Variants in AMOTL1 observed in about 807,000 individuals in gnomAD.
AMOTL1 encodes the protein angiomotin-like protein 1.
A neutral mutation model predicts 102.9 loss-of-function variants in AMOTL1; 45 were observed. The observed-to-expected ratio is 0.44, with a 90% CI of 0.34 to 0.56. AMOTL1 has a LOEUF of 0.56. AMOTL1 is among the 20% of genes least tolerant of loss of function. AMOTL1 has a pLI of 0.01. For synonymous variants in AMOTL1, 481 were observed against 484.7 expected (o/e 0.99, Z 0.10); for missense variants, 1,114 against 1,225.6 (o/e 0.91, Z 1.36).
chr11:94,811,071 G>T (rs1433163389), intron 3 of AMOTL1, among the ~76,000 whole-genome samples: 2 of 152,144 alleles, frequency 1.3e-5, no homozygotes, highest in Non-Finnish European at 2.9e-5. Flanking sequence ...AAAATTGGGG[G>T]CAGAACCTTA....
rs1289403265 is a variant in AMOTL1, at chr11:94,807,339, G to C, written c.1121+7028G>C. Among the ~76,000 whole-genome samples, 3 of 152,112 alleles carry C rather than the reference G, an allele frequency of 2.0e-5. No individual in the cohort carries two copies. In the South Asian group the frequency reaches 6.2e-4, roughly 32 times the overall value. ...GAATTCAAATTTGAACCTCTTCACA[G>C]CCAAGAAGCCCTATATTATTTAACC... is the stretch of plus-strand genomic sequence containing the variant. On this transcript the variant is annotated intron_variant, in intron 3 of 12. Transcript: ENST00000433060.
At chr11:94,759,571 CAA>C (rs59815376) in intron 3 of AMOTL1, among the ~76,000 whole-genome samples, 4 of 129,842 alleles carry the variant, frequency 3.1e-5, no homozygotes, top group Non-Finnish European at 3.2e-5. Flanking sequence ...CTTTTAGGTG[CAA>C]AAAAAAAAAA....
intron 4 of AMOTL1, among the ~76,000 whole-genome samples, chr11:94,822,492 TAGGAATCTC>T (rs1951884365): frequency 6.6e-6 from 1 of 152,168 alleles, no homozygotes; most frequent in Non-Finnish European, 1.5e-5. Flanking sequence ...CCTTTAAATT[TAGGAATCTC>T]AGACAGGAAC....
At chr11:94,860,819 C>A (rs977356881) in intron 9 of AMOTL1, among the ~76,000 whole-genome samples, 1 of 152,124 alleles carries the variant, frequency 6.6e-6, no homozygotes, top group African/African-American at 2.4e-5. Context: ...GGAGTAAAAG[C>A]CACATTGCCT....
intron 3 of AMOTL1, among the ~76,000 whole-genome samples, chr11:94,741,217 T>TGC (rs1025194683): frequency 4.0e-5 from 6 of 151,658 alleles, no homozygotes; most frequent in Middle Eastern, 3.2e-3. Context: ...TGTGTGTGTG[T>TGC]GTGCGTGCGT....
At chr11:94,859,343 G>C (rs1464513987) in intron 8 of AMOTL1, among the ~76,000 whole-genome samples, 182 bp from the exon 9 acceptor site, 1 of 152,104 alleles carries the variant, frequency 6.6e-6, no homozygotes, top group East Asian at 1.9e-4. Flanking sequence ...GTAAAACTGG[G>C]ATAATATTGT....
At position 94,871,323 on chromosome 11, in the gene AMOTL1, A is replaced by T. The variant is rs1236427264; in HGVS notation, c.*528A>T. The T allele has an allele frequency of 6.6e-6, 1 of 152,306 alleles. No individual in the cohort carries two copies. Among genetic ancestry groups the T allele is most frequent in the Non-Finnish European group, 1.5e-5 (1 of 68,104 alleles). The allele number at this position is 152,306 out of a possible 1,614,324, so 9.4% of individuals were successfully genotyped here. On this transcript the variant is annotated 3_prime_UTR_variant, in exon 13 of 13. Coordinates refer to ENST00000433060, the MANE Select transcript of AMOTL1 (RefSeq NM_130847.3). ...AGAAGAAGCATCGAGGGCGAGGGGA[A>T]TATGAAAGTTGGTCTTCACCTAATT...
intron 2 of AMOTL1, among the ~76,000 whole-genome samples, chr11:94,736,719 A>C (rs1345330632): frequency 1.3e-5 from 2 of 152,220 alleles, no homozygotes; most frequent in Admixed American, 6.5e-5. Context: ...GCAAATCCGT[A>C]AACTTGTGCA....
In AMOTL1 at chr11:94,807,027, C is replaced by G. The variant is rs375267861; in HGVS notation, c.1121+6716C>G. ...AAATGTTACAGCTGATTTTTTTTCC[C>G]TAAAACTATTAGGTTGGTGCAAAAG... is the stretch of plus-strand genomic sequence containing the variant. On this transcript the variant is annotated intron_variant, in intron 3 of 12. Transcript: ENST00000433060. Among the ~76,000 whole-genome samples, 37 of 152,072 alleles carry G rather than the reference C, an allele frequency of 2.4e-4. 1 individual carries two copies. The South Asian group carries it at 4.4e-3, about 18-fold the overall frequency.
At chr11:94,768,594 G>A (rs1175709959) in intron 1 of AMOTL1, 34 bp downstream of exon 1, 19 of 1,569,984 alleles carry the variant, frequency 1.2e-5, no homozygotes, top group Non-Finnish European at 1.6e-5. Context: ...CCGGGAGGGC[G>A]TCTCCGAGTC....
intron 3 of AMOTL1, among the ~76,000 whole-genome samples, chr11:94,810,831 GACACACACACACAC>G (rs3995610): frequency 3.5e-5 from 5 of 143,656 alleles, no homozygotes; most frequent in African/African-American, 1.0e-4. Context: ...AAAAATAAAA[GACACACACACACAC>G]ACACACACAC....
In AMOTL1 at chr11:94,840,681, T is replaced by TACACAC. The variant is rs111907230; in HGVS notation, c.1648+9162_1648+9167dup. ...ATATATATATATATATATATATATA[T>TACACAC]ACACACACACACACACACACACACA... On this transcript the variant is annotated intron_variant, in intron 6 of 12. Transcript: ENST00000433060. Among the ~76,000 whole-genome samples the TACACAC allele has an allele frequency of 1.3e-3, 131 of 104,760 alleles. 1 individual carries two copies. The highest frequency in any genetic ancestry group is 5.1e-3 in the African/African-American group (126 of 24,770). The allele number at this position is 104,760 out of a possible 152,430, so 68.7% of individuals were successfully genotyped here.
intron 7 of AMOTL1, among the ~76,000 whole-genome samples, chr11:94,853,517 T>C (rs1174465659): frequency 2.6e-5 from 4 of 152,250 alleles, no homozygotes; most frequent in African/African-American, 7.2e-5. Flanking sequence ...CCATGGTGTA[T>C]ATGTACCACA....
At chr11:94,823,224 C>T (rs528877930) in intron 4 of AMOTL1, among the ~76,000 whole-genome samples, 3 of 152,268 alleles carry the variant, frequency 2.0e-5, no homozygotes, top group South Asian at 4.2e-4. Context: ...TGTCCCAGCA[C>T]GTTTGTGCAG....
chr11:94,781,337 G>T (rs1401400145), intron 1 of AMOTL1, among the ~76,000 whole-genome samples: 1 of 152,100 alleles, frequency 6.6e-6, no homozygotes, highest in Non-Finnish European at 1.5e-5. Context: ...CTGACTTCCA[G>T]GGGCCATGGC....
chr11:94,798,250 G>T (rs1565355938), intron 2 of AMOTL1, among the ~76,000 whole-genome samples: 1 of 152,216 alleles, frequency 6.6e-6, no homozygotes, highest in Non-Finnish European at 1.5e-5. Context: ...AACACATGGA[G>T]AGAATTTAGT....
intron 3 of AMOTL1, among the ~76,000 whole-genome samples, chr11:94,819,613 C>T (rs1951828120): frequency 6.6e-6 from 1 of 152,308 alleles, no homozygotes; most frequent in East Asian, 1.9e-4. Flanking sequence ...AGTTGTCCAG[C>T]CTTTCCAGAC....
chr11:94,843,855 T>C (rs1461371174), intron 6 of AMOTL1, among the ~76,000 whole-genome samples: 1 of 152,210 alleles, frequency 6.6e-6, no homozygotes, highest in Non-Finnish European at 1.5e-5. Context: ...GTCTATTTCA[T>C]AGAGCATTCC....
At chr11:94,728,365 A>G (rs1950292632) in intron 1 of AMOTL1, among the ~76,000 whole-genome samples, 1 of 152,152 alleles carries the variant, frequency 6.6e-6, no homozygotes, top group Admixed American at 6.5e-5. Flanking sequence ...AGGAAAAGGA[A>G]AATTGGTCTC....
Sources: gnomAD v4.1 joint callset for allele counts (sites outside exome capture counted in the v4.1 genomes callset) on GRCh38, gnomAD v4.1.1 for gene constraint, MANE v1.5 for transcripts, NCBI Gene and HGNC (gene_info 2026-07-23, HGNC 2026-07-21) for gene names.